CELF2: variants seen among roughly 807,000 people sequenced by gnomAD.
CELF2 encodes the protein CUGBP Elav-like family member 2.
Under a neutral mutation model 62.6 loss-of-function variants are expected in CELF2, and 8 were observed. The observed-to-expected ratio is 0.13, with a 90% CI of 0.07 to 0.23. The LOEUF is 0.23. Among genes scored for constraint, CELF2 ranks in the 10% least tolerant of loss-of-function variants. The pLI is 1.00. For synonymous variants in CELF2, 258 were observed against 250.0 expected (o/e 1.03, Z -0.30); for missense variants, 333 against 671.0 (o/e 0.50, Z 5.56).
chr10:11,306,735 T>C lies in CELF2; in HGVS notation c.977-7404T>C, dbSNP rs1253169257. 7.2e-5 allele frequency among the ~76,000 whole-genome samples: 11 copies of C among 152,162 alleles called. No homozygotes were observed. Among genetic ancestry groups the C allele is most frequent in the Non-Finnish European group, 1.5e-4 (10 of 68,034 alleles). ...TAATTTTTCTTAGTCTCATGCTTGATTCTTCTCCCTCCTTTTCTTCACCGT... is the reference window on the plus strand; with the variant it reads ...TAATTTTTCTTAGTCTCATGCTTGACTCTTCTCCCTCCTTTTCTTCACCGT... On this transcript the variant is annotated intron_variant, in intron 9 of 12. Transcript: ENST00000633077. This position sits in a 1 kb window ranked among gnomAD's most constrained non-coding sequence, Gnocchi z 4.4.
At chr10:11,076,923 AAGC>A (rs1442567823) in intron 1 of CELF2, among the ~76,000 whole-genome samples, 1 of 152,192 alleles carries the variant, frequency 6.6e-6, no homozygotes, top group African/African-American at 2.4e-5. Flanking sequence ...CTTTTGAAAA[AAGC>A]AGGTTATAGT....
the CELF2 span, among the ~76,000 whole-genome samples, chr10:10,499,252 G>A: frequency 6.6e-6 from 1 of 151,984 alleles, no homozygotes; most frequent in African/African-American, 2.4e-5. Flanking sequence ...TTTTAGTAGA[G>A]TTGGGGTTTC....
At chr10:11,161,115 A>C (rs2065620518) in intron 1 of CELF2, among the ~76,000 whole-genome samples, 1 of 152,238 alleles carries the variant, frequency 6.6e-6, no homozygotes, top group Non-Finnish European at 1.5e-5. Flanking sequence ...TTTCCTCTAA[A>C]ATAGGGAAGT....
the CELF2 span, among the ~76,000 whole-genome samples, chr10:10,718,225 C>T: frequency 6.6e-6 from 1 of 152,144 alleles, no homozygotes; most frequent in Non-Finnish European, 1.5e-5. Flanking sequence ...CTATCTTGCT[C>T]TTAATAGGAA....
the CELF2 span, among the ~76,000 whole-genome samples, chr10:10,475,196 C>A: frequency 6.6e-6 from 1 of 151,982 alleles, no homozygotes; most frequent in Non-Finnish European, 1.5e-5. Flanking sequence ...TTACCCTGTA[C>A]GTCTCTGATT....
At position 11,220,972 on chromosome 10, in the gene CELF2, A is replaced by G. The variant is rs1381488186; in HGVS notation, c.354+3465A>G. 6.6e-6 allele frequency among the ~76,000 whole-genome samples: 1 copy of G among 152,246 alleles called. No individual in the cohort carries two copies. The highest frequency in any genetic ancestry group is 1.5e-5 in the Non-Finnish European group (1 of 68,044). ...CTAGCTGGAAGGGTGGACAGTAGACAGGTAGTTAATACTTACATGGTTCGT... is the reference window on the plus strand; with the variant it reads ...CTAGCTGGAAGGGTGGACAGTAGACGGGTAGTTAATACTTACATGGTTCGT... On this transcript the variant is annotated intron_variant, in intron 3 of 12. Coordinates refer to ENST00000633077, the MANE Select transcript of CELF2 (RefSeq NM_001326342.2). This position sits in a 1 kb window ranked among gnomAD's most constrained non-coding sequence, Gnocchi z 4.4.
At chr10:10,697,352 A>C in the CELF2 span, among the ~76,000 whole-genome samples, 1 of 152,172 alleles carries the variant, frequency 6.6e-6, no homozygotes, top group African/African-American at 2.4e-5. Flanking sequence ...GTCCATTGTC[A>C]ATAAGGAGGG....
chr10:10,899,884 C>T (rs1044780685), intron 1 of CELF2, among the ~76,000 whole-genome samples: 1 of 152,192 alleles, frequency 6.6e-6, no homozygotes, highest in Non-Finnish European at 1.5e-5. Context: ...CAGTCACCTC[C>T]CATCAGGCTC....
rs1328412236 is a variant in CELF2 at position 11,290,509 on chromosome 10, G to A, written c.976+1957G>A. Among the ~76,000 whole-genome samples the A allele has an allele frequency of 6.3e-5, 9 of 143,744 alleles. No homozygotes were observed. Among genetic ancestry groups the A allele is most frequent in the African/African-American group, 1.6e-4 (6 of 38,336 alleles). 94.3% of individuals were successfully genotyped at this position (143,744 alleles called of 152,430 possible). The stretch of plus-strand genomic sequence containing the variant: ...GCCACTGCACTCCAGCCTGGGCGAC[G>A]AGCGAGACTCCGTCTAAAAAAAAAA... On this transcript the variant is annotated intron_variant, in intron 9 of 12. Coordinates refer to ENST00000633077, the MANE Select transcript of CELF2 (RefSeq NM_001326342.2). This position sits in a 1 kb window ranked among gnomAD's most constrained non-coding sequence, Gnocchi z 4.3.
chr10:11,222,895 C>T (rs2065304858), intron 3 of CELF2, among the ~76,000 whole-genome samples: 1 of 152,168 alleles, frequency 6.6e-6, no homozygotes, highest in South Asian at 2.1e-4. Flanking sequence ...GTTTCATAGA[C>T]ACAGATCTAT....
the CELF2 span, among the ~76,000 whole-genome samples, chr10:10,584,393 C>A: frequency 6.6e-6 from 1 of 152,132 alleles, no homozygotes; most frequent in African/African-American, 2.4e-5. Flanking sequence ...GGGCGTATGC[C>A]TTATTTGCAC....
In CELF2 at chr10:11,145,628, C is replaced by T. The variant is rs532924185; in HGVS notation, c.75-19858C>T. On this transcript the variant is annotated intron_variant, in intron 1 of 12. Transcript: ENST00000633077. This position sits in a 1 kb window ranked among gnomAD's most constrained non-coding sequence, Gnocchi z 4.3. ...AGCGGAAGTGAGCTGTGGGTGACTG[C>T]AGAGAGGTTGTAGCACTCTGTGCAG... Among the ~76,000 whole-genome samples, 2 of 152,286 alleles carry T rather than the reference C, an allele frequency of 1.3e-5. No individual in the cohort carries two copies. Among genetic ancestry groups the T allele is most frequent in the African/African-American group, 4.8e-5 (2 of 41,548 alleles).
chr10:10,593,384 C>T, the CELF2 span, among the ~76,000 whole-genome samples: 2 of 152,310 alleles, frequency 1.3e-5, no homozygotes, highest in South Asian at 4.1e-4. Flanking sequence ...GTCTCTCATC[C>T]TCCAGAAAGT....
rs537905801 is a variant in CELF2, at chr10:11,207,096, T to C, written c.272-10329T>C. On this transcript the variant is annotated intron_variant, in intron 2 of 12. Transcript: ENST00000633077. This position sits in a 1 kb window ranked among gnomAD's most constrained non-coding sequence, Gnocchi z 4.1. ...AGGGGAAAAGCACATTCCAGCAATT[T>C]TGCCCTTGTTACCTTTTCTATCTGT... Among the ~76,000 whole-genome samples, 1 of 152,368 alleles carries C rather than the reference T, an allele frequency of 6.6e-6. No individual in the cohort carries two copies. The highest frequency in any genetic ancestry group is 2.1e-4 in the South Asian group (1 of 4,826).
chr10:10,691,881 G>C, the CELF2 span, among the ~76,000 whole-genome samples: 3 of 148,952 alleles, frequency 2.0e-5, no homozygotes, highest in Admixed American at 6.7e-5. Flanking sequence ...AAATTTGTTT[G>C]AGTTCATTGT....
upstream of CELF2, among the ~76,000 whole-genome samples, chr10:11,004,220 G>A (rs942404970): frequency 2.0e-5 from 3 of 152,110 alleles, no homozygotes; most frequent in Admixed American, 2.0e-4. The surrounding 1 kb of genome is among the most constrained non-coding windows in gnomAD (Gnocchi z 5.0). Context: ...TTATACTGAG[G>A]TGCATGTTGG....
rs1388018401 is a variant in CELF2 at position 10,863,612 on chromosome 10, G to A, written c.54-56352G>A. Among the ~76,000 whole-genome samples, 7 of 152,004 alleles carry A rather than the reference G, an allele frequency of 4.6e-5. 1 individual carries two copies. The South Asian group carries it at 8.3e-4, about 18-fold the overall frequency. On this transcript the variant is annotated intron_variant, in intron 1 of 13. Coordinates refer to the CELF2 transcript ENST00000636488. Reference sequence around the variant, plus strand: ...GCAAAAGTAATTGCAGTTTTTTGCCGTCACTTTTAATGGCAAAAACCACAA... The same window carrying A: ...GCAAAAGTAATTGCAGTTTTTTGCCATCACTTTTAATGGCAAAAACCACAA...
At chr10:10,778,632 C>T in the CELF2 span, among the ~76,000 whole-genome samples, 1 of 152,210 alleles carries the variant, frequency 6.6e-6, no homozygotes, top group South Asian at 2.1e-4. Flanking sequence ...AGGAGACTCT[C>T]TAAGTCCCTC....
intron 1 of CELF2, among the ~76,000 whole-genome samples, chr10:10,865,509 C>T (rs537118420): frequency 6.6e-4 from 100 of 152,260 alleles, no homozygotes; most frequent in African/African-American, 2.2e-3. Context: ...TGAGTCACAA[C>T]GAGTTTTATT....
Sources: allele counts gnomAD v4.1 joint callset (sites outside exome capture counted in the v4.1 genomes callset), GRCh38; gene constraint gnomAD v4.1.1; non-coding constraint Gnocchi (gnomAD v3.1); transcripts MANE v1.5; gene names NCBI Gene and HGNC (gene_info 2026-07-23, HGNC 2026-07-21).